Variants in MRPL21 observed in about 807,000 individuals in gnomAD.
MRPL21 encodes mitochondrial ribosomal protein L21.
MRPL21 carries 20 observed loss-of-function variants against 27.3 expected under a neutral mutation model. The ratio of observed to expected loss-of-function variants is 0.73; its 90% CI spans 0.52 to 1.06. MRPL21 has a LOEUF of 1.06. Among genes scored for constraint, MRPL21 ranks in the 50% least tolerant of loss-of-function variants. MRPL21 has a pLI of 0.00. For synonymous variants in MRPL21, 98 were observed against 101.5 expected, an observed-to-expected ratio of 0.97 and a Z score of 0.21; for missense variants, 249 against 251.4, an observed-to-expected ratio of 0.99 and a Z score of 0.06.
chr11:68,895,242 C>T (rs1249614973), intron 4 of MRPL21, among the ~76,000 whole-genome samples: 2 of 150,964 alleles, frequency 1.3e-5, no homozygotes, highest in East Asian at 2.0e-4. Flanking sequence ...CCAGCCTGGA[C>T]AACAAGAGCA....
Position 68,897,941 on chromosome 11 carries a change from G to A in MRPL21, c.218C>T (p.Thr73Ile), listed in dbSNP as rs1385914356. Residue 73 changes from threonine to isoleucine, a missense_variant, in exon 3 of 7, where the codon ACC becomes ATC. By Grantham distance (89) the Thr-to-Ile change is moderately conservative. Coordinates refer to ENST00000362034, the MANE Select transcript of MRPL21 (RefSeq NM_181514.2). Reference sequence around the variant, plus strand: ...GGAGGTCTTACCTGCATGGTGTCTGGTCTCCTCAACTGGGTCTGGCAGAAC... The same window carrying A: ...GGAGGTCTTACCTGCATGGTGTCTGATCTCCTCAACTGGGTCTGGCAGAAC... Reference protein sequence around the residue: ...EVVLPDPVEETRHHAEVVKKV... With the variant: ...EVVLPDPVEEIRHHAEVVKKV... 2 of 1,614,090 alleles carry A rather than the reference G, an allele frequency of 1.2e-6. No individual in the cohort carries two copies. The highest frequency in any genetic ancestry group is 2.7e-5 in the African/African-American group (2 of 75,038).
At position 68,893,447 on chromosome 11, in the gene MRPL21, C is replaced by A. The variant is rs1857703526; in HGVS notation, c.405G>T (p.Leu135=). The A allele has an allele frequency of 6.2e-7, 1 of 1,614,114 alleles. No homozygotes were observed. Among genetic ancestry groups the A allele is most frequent in the African/African-American group, 1.3e-5 (1 of 74,928 alleles). The change falls in exon 5 of 7, where the codon CTG becomes CTT. Residue 135 remains leucine, a synonymous_variant. Transcript: ENST00000362034. The part of the protein sequence containing the change: ...GERIRLEKVL[L]VGADNFTLLG... ...GCAGCGTGAAGTTGTCTGCCCCAAC[C>A]AGCAGGACCTGAAAAATTCAACAGG...
In MRPL21 at chr11:68,900,590, G is replaced by A. The variant is rs541342052; in HGVS notation, c.104C>T (p.Ala35Val). The A allele has an allele frequency of 8.4e-5, 136 of 1,613,566 alleles. No individual in the cohort carries two copies. The highest frequency in any genetic ancestry group is 1.1e-4 in the Non-Finnish European group (135 of 1,179,632). ...GCTCTGTGAATTGAACCTTCGAGAA[G>A]CAGACCAAAGGGAGGCTGAGGGAAG... Reference protein sequence around the residue: ...SGPGAASLWSASRRFNSQSTS... With the variant: ...SGPGAASLWSVSRRFNSQSTS... Residue 35 changes from alanine (A) to valine (V), a missense_variant, in exon 2 of 7, where the codon GCT becomes GTT. Ala to Val is a moderately conservative substitution (Grantham distance 64). Transcript: ENST00000362034.
At position 68,891,305 on chromosome 11, in the gene MRPL21, T is replaced by A. The variant is rs999939904; in HGVS notation, c.*26A>T. On this transcript the variant is annotated 3_prime_UTR_variant, in exon 7 of 7. Transcript: ENST00000362034. ...CTTGGGAAGCAGGAGTTTATTTTTATCCTTTTGTAAGTATTAACTCGGTAA... is the reference window on the plus strand; with the variant it reads ...CTTGGGAAGCAGGAGTTTATTTTTAACCTTTTGTAAGTATTAACTCGGTAA... The A allele has an allele frequency of 9.9e-6, 16 of 1,610,468 alleles. No homozygotes were observed. The highest frequency in any genetic ancestry group is 1.4e-5 in the Non-Finnish European group (16 of 1,176,768).
At chr11:68,892,192 G>A (rs1229860021) in intron 6 of MRPL21, 1 of 74,872 alleles carries the variant, frequency 1.3e-5, no homozygotes. Context: ...GAAGGGGAGC[G>A]AGGTGGGTCA....
At chr11:68,897,525 C>T (rs1452747116) in intron 3 of MRPL21, 1 of 202,546 alleles carries the variant, frequency 4.9e-6, no homozygotes, top group African/African-American at 2.3e-5. Flanking sequence ...GATCCTGTCC[C>T]TTCTGACACG....
intron 5 of MRPL21, among the ~76,000 whole-genome samples, 175 bp from the exon 6 acceptor site, chr11:68,893,168 G>C (rs1857695806): frequency 6.6e-6 from 1 of 152,170 alleles, no homozygotes; most frequent in South Asian, 2.1e-4. Context: ...CAGTTCCAGG[G>C]AGTCTGAACA....
At chr11:68,891,997 C>A in intron 6 of MRPL21, 2 of 984,274 alleles carry the variant, frequency 2.0e-6, no homozygotes, top group Non-Finnish European at 2.7e-6. Flanking sequence ...GGATTCACTG[C>A]TGCTTTGGGG....
At chr11:68,895,146 C>G (rs1566415017) in intron 4 of MRPL21, among the ~76,000 whole-genome samples, 1 of 151,864 alleles carries the variant, frequency 6.6e-6, no homozygotes, top group East Asian at 1.9e-4. Flanking sequence ...TGCCTGTAAT[C>G]CCAGCTACTC....
chr11:68,903,244 G>A (rs603076), intron 1 of MRPL21, among the ~76,000 whole-genome samples: 89,916 of 151,960 alleles, frequency 0.59, 26,756 homozygotes, highest in South Asian at 0.67. Flanking sequence ...GTTTTTAACG[G>A]ACATAACCTT....
rs554695054 is a variant in MRPL21 at position 68,893,299 on chromosome 11, A to G, written c.449+104T>C. On this transcript the variant is annotated intron_variant, in intron 5 of 6. Transcript: ENST00000362034. ...TAAATGTTGTGTTTGGTGTCAACAA[A>G]GAATATGAATGCAACTCCCCACCTG... 46 of 1,570,850 alleles carry G rather than the reference A, an allele frequency of 2.9e-5. No individual in the cohort carries two copies. In the East Asian group the frequency reaches 9.9e-4, roughly 34 times the overall value.
chr11:68,903,759 T>C lies in MRPL21; in HGVS notation c.52A>G (p.Ser18Gly). 1 of 1,613,172 alleles carries C rather than the reference T, an allele frequency of 6.2e-7. No homozygotes were observed. Among genetic ancestry groups the C allele is most frequent in the Non-Finnish European group, 8.5e-7 (1 of 1,180,028 alleles). Residue 18 changes from serine (S) to glycine (G), a missense_variant, in exon 1 of 7, where the codon AGC (serine) becomes GGC (glycine). Transcript: ENST00000362034. Reference protein sequence around the residue: ...VTLGRLASACSHSILRPSGPG... With the variant: ...VTLGRLASACGHSILRPSGPG... ...CCCGAAGGTCTCAGGATGCTGTGGC[T>C]GCACGCGGACGCCAGCCGCCCTAAG...
chr11:68,896,062 G>T (rs1020363463), intron 4 of MRPL21, among the ~76,000 whole-genome samples: 8 of 152,230 alleles, frequency 5.3e-5, no homozygotes, highest in African/African-American at 1.9e-4. Context: ...TTTAAAAACA[G>T]CAGCAGCTGT....
chr11:68,901,095 GGCCTTAGGGCT>G (rs533097313), intron 1 of MRPL21, among the ~76,000 whole-genome samples: 158 of 152,256 alleles, frequency 1.0e-3, no homozygotes, highest in African/African-American at 3.6e-3. Context: ...TCTGATCTCT[GGCCTTAGGGCT>G]GCCCTGCTGT....
chr11:68,893,528 G>A, intron 4 of MRPL21, 73 bp from the exon 5 acceptor site: 2 of 1,575,404 alleles, frequency 1.3e-6, no homozygotes, highest in Non-Finnish European at 1.7e-6. Context: ...ATAACAGGTA[G>A]TGATGTCAAC....
intron 4 of MRPL21, among the ~76,000 whole-genome samples, chr11:68,894,415 G>A (rs1003911295): frequency 1.2e-4 from 19 of 152,060 alleles, no homozygotes; most frequent in African/African-American, 4.1e-4. Flanking sequence ...TGAGTAGCTG[G>A]GACTACAGGC....
chr11:68,896,896 T>G (rs1857805760), intron 3 of MRPL21: 1 of 594,534 alleles, frequency 1.7e-6, no homozygotes, highest in Admixed American at 3.0e-5. Context: ...ACCAGCACTG[T>G]GGCACATGGG....
rs764557428 is a variant in MRPL21 at position 68,896,633 on chromosome 11, C to G, written c.278G>C (p.Gly93Ala). Residue 93 changes from glycine (G) to alanine (A), a missense_variant, in exon 4 of 7, where the codon GGC becomes GCC. Coordinates refer to ENST00000362034, the MANE Select transcript of MRPL21 (RefSeq NM_181514.2). ...VNEMIVTGQY[G>A]RLFAVVHFAS... ...AAAGTGCACCACGGCAAAGAGCCTG[C>G]CATACTGCCCCGTGACGATCATCTC... The G allele has an allele frequency of 1.2e-6, 2 of 1,614,244 alleles. No homozygotes were observed. Among genetic ancestry groups the G allele is most frequent in the Non-Finnish European group, 1.7e-6 (2 of 1,180,040 alleles).
At chr11:68,898,251 CAA>C (rs1303816286) in intron 2 of MRPL21, among the ~76,000 whole-genome samples, 2 of 152,224 alleles carry the variant, frequency 1.3e-5, no homozygotes, top group African/African-American at 4.8e-5. Flanking sequence ...CATTGTTCTG[CAA>C]AAGAGCCCTC....
Sources: gnomAD v4.1 joint callset for allele counts (sites outside exome capture counted in the v4.1 genomes callset) on GRCh38, gnomAD v4.1.1 for gene constraint, MANE v1.5 for transcripts, NCBI Gene and HGNC (gene_info 2026-07-23, HGNC 2026-07-21) for gene names.